The following ASL variants were observed in gnomAD, a reference collection of about 807,000 sequenced individuals.
The protein encoded by ASL is argininosuccinate lyase, also known as argininosuccinase.
A neutral mutation model predicts 69.1 loss-of-function variants in ASL; 51 were observed. The observed-to-expected ratio is 0.74, with a 90% confidence interval of 0.59 to 0.93. ASL has a LOEUF of 0.93. Ranked by LOEUF, ASL falls within the 40% of genes least tolerant of loss-of-function variation. The probability of loss-of-function intolerance (pLI) is 0.00; values close to 1 mark genes in which losing one functional copy is unlikely to be tolerated. For missense variants in ASL, 540 were observed against 623.9 expected, an observed-to-expected ratio of 0.87 and a Z score of 1.43; for synonymous variants, 241 against 247.6, an observed-to-expected ratio of 0.97 and a Z score of 0.25.
intron 8 of ASL, 59 bp downstream of exon 8, chr7:66,086,880 G>A: frequency 1.3e-6 from 2 of 1,526,158 alleles, no homozygotes; most frequent in African/African-American, 1.4e-5. Context: ...ATAGCCTTAG[G>A]GATTGACAGA....
Position 66,092,466 on chromosome 7 carries a change from A to G in ASL, c.1144-91A>G, listed in dbSNP as rs866203245. ...GCGAGACTTTGTGTCAAAAAGAAAA[A>G]AAAAAAAAAAAGGAAGGGGGTGCAG... is the stretch of plus-strand genomic sequence containing the variant. On this transcript the variant is annotated intron_variant, in intron 15 of 16. Coordinates refer to ENST00000304874, the MANE Select transcript of ASL (RefSeq NM_000048.4). The G allele has an allele frequency of 3.0e-5, 38 of 1,285,202 alleles. No individual in the cohort carries two copies. In the Middle Eastern group the frequency reaches 1.1e-3, roughly 36 times the overall value. The allele number at this position is 1,285,202 out of a possible 1,614,324, so 79.6% of individuals were successfully genotyped here.
intron 2 of ASL, among the ~76,000 whole-genome samples, chr7:66,080,252 G>C (rs930382361): frequency 6.6e-6 from 1 of 151,516 alleles, no homozygotes; most frequent in African/African-American, 2.4e-5. Flanking sequence ...CAGGCATGGT[G>C]GTGGGCACCT....
Position 66,081,881 on chromosome 7 carries a change from G to A in ASL, c.91G>A (p.Asp31Asn), listed in dbSNP as rs754995756. ...GAAGTTCAACGCGTCCATTGCCTACGACCGGCACCTTTGGGAGGTGGATGT... is the reference window on the plus strand; with the variant it reads ...GAAGTTCAACGCGTCCATTGCCTACAACCGGCACCTTTGGGAGGTGGATGT... ...MEKFNASIAY[D>N]RHLWEVDVQG... Residue 31 changes from aspartate (D) to asparagine (N), a missense_variant, in exon 3 of 17, where the codon GAC becomes AAC. Coordinates refer to ENST00000304874, the MANE Select transcript of ASL (RefSeq NM_000048.4). 9.3e-6 allele frequency: 15 copies of A among 1,614,038 alleles called. No homozygotes were observed. The highest frequency in any genetic ancestry group is 1.1e-5 in the Non-Finnish European group (13 of 1,180,038).
In ASL at chr7:66,092,094, T is replaced by C. The variant is rs1015804553; in HGVS notation, c.1143+8T>C. On this transcript the variant is annotated splice_region_variant and intron_variant, in intron 15 of 16. Transcript: ENST00000304874. ...TACCTGGTCCGCAAAGGGGTAAGTG[T>C]GTAGCAGCCAGGGGGAGGGTGAGGA... The C allele has an allele frequency of 2.5e-6, 4 of 1,610,106 alleles. No individual in the cohort carries two copies. The highest frequency in any genetic ancestry group is 3.4e-6 in the Non-Finnish European group (4 of 1,179,918).
intron 8 of ASL, 115 bp downstream of exon 8, chr7:66,086,936 C>A: frequency 1.6e-6 from 2 of 1,252,580 alleles, no homozygotes; most frequent in Non-Finnish European, 2.2e-6. Flanking sequence ...ATCTGCTCAG[C>A]GGGGGACTCT....
At chr7:66,081,779 A>G in intron 2 of ASL, 24 bp from the exon 3 acceptor site, 1 of 1,609,220 alleles carries the variant, frequency 6.2e-7, no homozygotes, top group Non-Finnish European at 8.5e-7. Flanking sequence ...AGGAGAGACT[A>G]ATTGTTCTTG....
intron 4 of ASL, 101 bp from the exon 5 acceptor site, chr7:66,082,779 G>A: frequency 1.4e-6 from 2 of 1,401,658 alleles, no homozygotes; most frequent in South Asian, 1.2e-5. Context: ...GAGCCCTGGG[G>A]TATGGAGGTA....
intron 14 of ASL, 60 bp downstream of exon 14, chr7:66,089,755 G>C (rs1309547166): frequency 1.3e-6 from 2 of 1,578,356 alleles, no homozygotes; most frequent in African/African-American, 1.3e-5. Context: ...GTGGGCATGC[G>C]GGGAGGGTGG....
Position 66,087,400 on chromosome 7 carries a change from C to T in ASL, c.655+14C>T, listed in dbSNP as rs1786700712. 1.2e-6 allele frequency: 2 copies of T among 1,606,642 alleles called. No individual in the cohort carries two copies. The highest frequency in any genetic ancestry group is 1.7e-6 in the Non-Finnish European group (2 of 1,179,846). ...TGCTCCGAGCAGGTGAGACGTCCTG[C>T]CCCTCCTCCCCAGGGAGAATCACCC... is the stretch of plus-strand genomic sequence containing the variant. On this transcript the variant is annotated intron_variant, in intron 9 of 16. Transcript: ENST00000304874.
chr7:66,088,779 C>A, intron 10 of ASL, 28 bp from the exon 11 acceptor site: 1 of 1,587,998 alleles, frequency 6.3e-7, no homozygotes, highest in Non-Finnish European at 8.6e-7. Context: ...ATGGGAGAGG[C>A]CTGGTGACTG....
At position 66,092,917 on chromosome 7, in the gene ASL, T is replaced by G. The variant is rs1786897436; in HGVS notation, c.*5T>G. On this transcript the variant is annotated 3_prime_UTR_variant, in exon 17 of 17. Coordinates refer to ENST00000304874, the MANE Select transcript of ASL (RefSeq NM_000048.4). The stretch of plus-strand genomic sequence containing the variant: ...CTGCAGGCACAGCAGGCCTAGGTCC[T>G]CCCACACCTGCCCCCTAATAAAGTG... 2 of 1,604,282 alleles carry G rather than the reference T, an allele frequency of 1.2e-6. No individual in the cohort carries two copies. The highest frequency in any genetic ancestry group is 1.7e-6 in the Non-Finnish European group (2 of 1,179,394).
chr7:66,077,265 C>T (rs183910416), intron 2 of ASL, among the ~76,000 whole-genome samples: 1 of 151,960 alleles, frequency 6.6e-6, no homozygotes, highest in Non-Finnish European at 1.5e-5. Flanking sequence ...CCTGTCTCTA[C>T]AAAAAGATTT....
intron 6 of ASL, 87 bp downstream of exon 6, chr7:66,083,261 G>C: frequency 4.2e-6 from 6 of 1,427,490 alleles, no homozygotes; most frequent in Non-Finnish European, 5.8e-6. Flanking sequence ...TGAACAGCGT[G>C]GGGGTGCCAG....
intron 8 of ASL, 91 bp from the exon 9 acceptor site, chr7:66,087,242 TC>T: frequency 8.4e-7 from 1 of 1,194,934 alleles, no homozygotes. Flanking sequence ...GTGTGTGCGT[TC>T]GTGTGTGTGT....
chr7:66,087,723 C>G lies in ASL; in HGVS notation c.656-6C>G, dbSNP rs374259737. 2.5e-5 allele frequency: 41 copies of G among 1,613,978 alleles called. No homozygotes were observed. Among genetic ancestry groups the G allele is most frequent in the Non-Finnish European group, 3.3e-5 (39 of 1,180,012 alleles). On this transcript the variant is annotated splice_region_variant and splice_polypyrimidine_tract_variant and intron_variant, in intron 9 of 16. Coordinates refer to ENST00000304874, the MANE Select transcript of ASL (RefSeq NM_000048.4). ...AGCTTAGCCCTGCTTCCTCCCACCC[C>G]CCCAGAACTCAACTTTGGGGCCATC... is the stretch of plus-strand genomic sequence containing the variant.
At position 66,093,008 on chromosome 7, in the gene ASL, G is replaced by T; in HGVS notation, c.*96G>T. The T allele has an allele frequency of 6.5e-7, 1 of 1,530,144 alleles. No individual in the cohort carries two copies. The highest frequency in any genetic ancestry group is 8.7e-7 in the Non-Finnish European group (1 of 1,143,412). The allele number at this position is 1,530,144 out of a possible 1,614,324, so 94.8% of individuals were successfully genotyped here. ...GGCTCCCTCGTTGCTGGGCTTTCGG[G>T]GCTGGCCAGTGGGGACAGTCAGGGA... On this transcript the variant is annotated 3_prime_UTR_variant, in exon 17 of 17. Transcript: ENST00000304874.
chr7:66,076,526 A>C (rs1417256262), intron 2 of ASL, among the ~76,000 whole-genome samples: 1 of 152,100 alleles, frequency 6.6e-6, no homozygotes, highest in Non-Finnish European at 1.5e-5. Context: ...TCAGCCCCTA[A>C]GTGTTCTTGT....
intron 6 of ASL, among the ~76,000 whole-genome samples, chr7:66,083,844 C>A (rs2115706266): frequency 6.6e-6 from 1 of 152,298 alleles, no homozygotes; most frequent in South Asian, 2.1e-4. Flanking sequence ...CCTCCCCATC[C>A]AGCCCATCTG....
chr7:66,086,470 G>A (rs1459142735), intron 6 of ASL, 115 bp from the exon 7 acceptor site: 3 of 1,070,584 alleles, frequency 2.8e-6, no homozygotes, highest in African/African-American at 3.1e-5. Flanking sequence ...TCATTCAGGT[G>A]GAGTGCTGCA....
Sources: allele counts gnomAD v4.1 joint callset (sites outside exome capture counted in the v4.1 genomes callset), GRCh38; gene constraint gnomAD v4.1.1; transcripts MANE v1.5; gene names NCBI Gene and HGNC (gene_info 2026-07-23, HGNC 2026-07-21).